Variants in TBC1D2B observed in about 807,000 individuals in gnomAD.
The protein encoded by TBC1D2B is TBC1 domain family, member 2B.
TBC1D2B carries 64 observed loss-of-function variants against 100.8 expected under a neutral mutation model. That is an observed-to-expected ratio of 0.64 (90% CI 0.52 to 0.78). The LOEUF is 0.78. Ranked by LOEUF, TBC1D2B falls within the 30% of genes least tolerant of loss-of-function variation. The pLI, the probability that TBC1D2B is intolerant of heterozygous loss-of-function variation, is 0.00. For synonymous variants in TBC1D2B, 480 were observed against 479.7 expected (o/e 1.00, Z -0.01); for missense variants, 1,052 against 1,218.4 (o/e 0.86, Z 2.03).
chr15:78,021,410 C>G (rs2072512770), intron 6 of TBC1D2B, among the ~76,000 whole-genome samples: 1 of 152,162 alleles, frequency 6.6e-6, no homozygotes, highest in African/African-American at 2.4e-5. Context: ...CATACCCTGT[C>G]TAGAGCTGAA....
chr15:78,005,004 G>GT (rs1172196774), intron 10 of TBC1D2B, among the ~76,000 whole-genome samples: 1 of 152,236 alleles, frequency 6.6e-6, no homozygotes, highest in African/African-American at 2.4e-5. Context: ...ACGGCTCACT[G>GT]TAAGACCAGC....
chr15:78,067,401 T>G (rs1596331326), intron 1 of TBC1D2B, among the ~76,000 whole-genome samples: 1 of 152,206 alleles, frequency 6.6e-6, no homozygotes, highest in African/African-American at 2.4e-5. Context: ...CAAAGTCTGT[T>G]TGGTGAATGG....
chr15:78,021,732 T>C (rs1379284186), intron 6 of TBC1D2B, among the ~76,000 whole-genome samples: 2 of 151,964 alleles, frequency 1.3e-5, no homozygotes, highest in Non-Finnish European at 2.9e-5. Flanking sequence ...TGTTAAGTTG[T>C]TAAAAATTGC....
chr15:78,076,018 GGAGTGA>G, intron 1 of TBC1D2B, among the ~76,000 whole-genome samples: 1 of 152,294 alleles, frequency 6.6e-6, no homozygotes, highest in Middle Eastern at 3.4e-3. Flanking sequence ...ATACGGAAGA[GGAGTGA>G]GAGTGAGGGT....
At chr15:78,046,193 A>C (rs1234438195) in intron 2 of TBC1D2B, among the ~76,000 whole-genome samples, 1 of 152,152 alleles carries the variant, frequency 6.6e-6, no homozygotes, top group East Asian at 1.9e-4. Context: ...CGGCCTCCCA[A>C]AGTGCTGGGA....
chr15:78,074,273 T>C (rs1186593144), intron 1 of TBC1D2B, among the ~76,000 whole-genome samples: 1 of 152,046 alleles, frequency 6.6e-6, no homozygotes, highest in Non-Finnish European at 1.5e-5. Context: ...TCCACTCGCC[T>C]CGGCCTCCCA....
intron 2 of TBC1D2B, among the ~76,000 whole-genome samples, chr15:78,045,799 G>A (rs1360072769): frequency 6.6e-6 from 1 of 152,186 alleles, no homozygotes; most frequent in Non-Finnish European, 1.5e-5. Flanking sequence ...GGGTATCAAT[G>A]AAACGAGGGG....
At chr15:78,031,761 G>C (rs772803965) in intron 3 of TBC1D2B, among the ~76,000 whole-genome samples, 9 of 151,802 alleles carry the variant, frequency 5.9e-5, no homozygotes, top group Non-Finnish European at 1.3e-4. Flanking sequence ...GAATAACAAG[G>C]ACTAGATTTA....
intron 3 of TBC1D2B, among the ~76,000 whole-genome samples, chr15:78,036,668 G>A (rs186950690): frequency 6.6e-6 from 1 of 152,146 alleles, no homozygotes; most frequent in Non-Finnish European, 1.5e-5. Context: ...CCTTAACTTA[G>A]GCCTAGTGAA....
intron 6 of TBC1D2B, among the ~76,000 whole-genome samples, chr15:78,023,297 G>C (rs539917537): frequency 6.6e-6 from 1 of 152,170 alleles, no homozygotes; most frequent in Non-Finnish European, 1.5e-5. Flanking sequence ...TCTGGGGTCT[G>C]CTGGGGTCAA....
intron 4 of TBC1D2B, among the ~76,000 whole-genome samples, chr15:78,029,633 A>G (rs1000871276): frequency 6.6e-6 from 1 of 152,242 alleles, no homozygotes; most frequent in African/African-American, 2.4e-5. Flanking sequence ...AAGGAAGAAG[A>G]GAGACCATAG....
intron 1 of TBC1D2B, among the ~76,000 whole-genome samples, chr15:78,069,849 G>T (rs1377120698): frequency 6.6e-6 from 1 of 152,196 alleles, no homozygotes; most frequent in African/African-American, 2.4e-5. Context: ...CTAAAGCAGA[G>T]TGAGCCCTCA....
chr15:78,029,389 C>G (rs1567021930), intron 4 of TBC1D2B, among the ~76,000 whole-genome samples: 1 of 152,088 alleles, frequency 6.6e-6, no homozygotes, highest in Non-Finnish European at 1.5e-5. Context: ...GTCATTATCT[C>G]TTAGAGGTAC....
chr15:77,998,454 G>A (rs549750570), intron 12 of TBC1D2B, 99 bp from the exon 13 acceptor site: 2 of 1,165,546 alleles, frequency 1.7e-6, no homozygotes, highest in Admixed American at 2.5e-5. Flanking sequence ...GGGCAGGGTG[G>A]GAAGAGCGCT....
chr15:78,030,807 A>T (rs28526757), intron 3 of TBC1D2B, among the ~76,000 whole-genome samples: 7,779 of 152,294 alleles, frequency 0.051, 398 homozygotes, highest in African/African-American at 0.12. Flanking sequence ...ATTAGAAAAA[A>T]ATAAAAAGGT....
Position 78,053,446 on chromosome 15 carries a change from C to T in TBC1D2B, c.514+588G>A, listed in dbSNP as rs75976634. 7.0e-4 allele frequency among the ~76,000 whole-genome samples: 107 copies of T among 152,302 alleles called. No individual in the cohort carries two copies. The East Asian group carries it at 0.018, about 26-fold the overall frequency. On this transcript the variant is annotated intron_variant, in intron 2 of 12. Transcript: ENST00000300584. ...GGGCCAAAAAACAGTCCCATCTCCA[C>T]AGTCTTTGCAATGGGGTAGGATGGG...
At chr15:78,046,851 T>C (rs2073205919) in intron 2 of TBC1D2B, among the ~76,000 whole-genome samples, 1 of 151,648 alleles carries the variant, frequency 6.6e-6, no homozygotes, top group South Asian at 2.1e-4. Flanking sequence ...CACTGAGCAC[T>C]GGTAAAGGAA....
intron 9 of TBC1D2B, 37 bp downstream of exon 9, chr15:78,012,786 T>C (rs777041724): frequency 7.1e-7 from 1 of 1,416,706 alleles, no homozygotes; most frequent in South Asian, 2.0e-5. Context: ...ACAAGTTGCC[T>C]AATGGCAAAT....
chr15:78,012,164 C>T (rs947316906), intron 9 of TBC1D2B, among the ~76,000 whole-genome samples: 8 of 152,152 alleles, frequency 5.3e-5, no homozygotes, highest in East Asian at 1.9e-4. Flanking sequence ...AAGCAGAAAG[C>T]GCGCCAGCCA....
Sources: allele counts gnomAD v4.1 joint callset (sites outside exome capture counted in the v4.1 genomes callset), GRCh38; gene constraint gnomAD v4.1.1; transcripts MANE v1.5; gene names NCBI Gene and HGNC (gene_info 2026-07-23, HGNC 2026-07-21).